The following PSME4 variants were observed in gnomAD, a reference collection of about 807,000 sequenced individuals.
PSME4 encodes the protein proteasome activator subunit 4, also known as proteasome activator complex subunit 4.
Under a neutral mutation model 253.9 loss-of-function variants are expected in PSME4, and 89 were observed. That is an observed-to-expected ratio of 0.35 (90% CI 0.30 to 0.42). The LOEUF (loss-of-function observed/expected upper bound fraction) is 0.42. Among genes scored for constraint, PSME4 ranks in the 10% least tolerant of loss-of-function variants. The pLI is 1.00. For missense variants in PSME4, 2,014 were observed against 2,195.2 expected (o/e 0.92, Z 1.65); for synonymous variants, 851 against 759.2 (o/e 1.12, Z -1.99).
At chr2:53,940,985 A>T (rs1200579372) in intron 3 of PSME4, among the ~76,000 whole-genome samples, 2 of 95,024 alleles carry the variant, frequency 2.1e-5, no homozygotes, top group Non-Finnish European at 4.7e-5. Context: ...ATATATATAT[A>T]TATATATATA....
At chr2:53,948,033 A>G (rs950361270) in intron 3 of PSME4, among the ~76,000 whole-genome samples, 5 of 152,194 alleles carry the variant, frequency 3.3e-5, no homozygotes, top group Non-Finnish European at 5.9e-5. Flanking sequence ...AAAGAATGAT[A>G]AGCCAAACGT....
In PSME4 at chr2:53,936,908, T is replaced by C. The variant is rs960520133; in HGVS notation, c.696-81A>G. 3.2e-6 allele frequency: 3 copies of C among 926,124 alleles called. No homozygotes were observed. The Admixed American group carries it at 7.7e-5, about 24-fold the overall frequency. 57.4% of individuals were successfully genotyped at this position (926,124 alleles called of 1,614,324 possible). ...CAGCTATGCTTTGTCTTTTTTATAATCTATTATTCTTACTGATAACTACGT... is the reference window on the plus strand; with the variant it reads ...CAGCTATGCTTTGTCTTTTTTATAACCTATTATTCTTACTGATAACTACGT... On this transcript the variant is annotated intron_variant, in intron 5 of 46. Transcript: ENST00000404125.
chr2:53,884,066 T>A (rs910713462), intron 41 of PSME4, among the ~76,000 whole-genome samples: 1 of 152,196 alleles, frequency 6.6e-6, no homozygotes, highest in Non-Finnish European at 1.5e-5. Flanking sequence ...ACACATCTGA[T>A]TTATGTGCAA....
chr2:53,913,452 A>T (rs1667920213), intron 20 of PSME4, among the ~76,000 whole-genome samples: 1 of 152,244 alleles, frequency 6.6e-6, no homozygotes, highest in African/African-American at 2.4e-5. Flanking sequence ...GCGAATTGTC[A>T]TGAAACAGCT....
intron 41 of PSME4, among the ~76,000 whole-genome samples, chr2:53,880,580 A>T (rs1679336998): frequency 6.6e-6 from 1 of 152,220 alleles, no homozygotes; most frequent in African/African-American, 2.4e-5. Context: ...GGTACAATTT[A>T]GTCATAAAAA....
intron 35 of PSME4, among the ~76,000 whole-genome samples, 164 bp from the exon 36 acceptor site, chr2:53,893,124 G>C (rs1323474520): frequency 1.3e-5 from 2 of 152,100 alleles, no homozygotes; most frequent in Non-Finnish European, 2.9e-5. Flanking sequence ...TAAGAATACT[G>C]TCATTTTAAA....
At chr2:53,966,270 C>T (rs1037303262) in intron 1 of PSME4, among the ~76,000 whole-genome samples, 2 of 152,020 alleles carry the variant, frequency 1.3e-5, no homozygotes, top group African/African-American at 2.4e-5. Flanking sequence ...GATGACAGAG[C>T]GAGACTCTGT....
At chr2:53,921,533 C>T (rs1668315109) in intron 17 of PSME4, among the ~76,000 whole-genome samples, 1 of 148,280 alleles carries the variant, frequency 6.7e-6, no homozygotes, top group African/African-American at 2.5e-5. Context: ...GTGTGAGCCA[C>T]CACGCCTGGC....
rs1189612870 is a variant in PSME4 at position 53,890,226 on chromosome 2, T to C, written c.4192-18A>G. ...TTCTCCACCTACTCAAAACAAAATATATGGGTAAGAGTTAATGACACTCAG... is the reference window on the plus strand; with the variant it reads ...TTCTCCACCTACTCAAAACAAAATACATGGGTAAGAGTTAATGACACTCAG... On this transcript the variant is annotated intron_variant, in intron 36 of 46. Coordinates refer to ENST00000404125, the MANE Select transcript of PSME4 (RefSeq NM_014614.3). The C allele has an allele frequency of 1.9e-6, 3 of 1,552,342 alleles. No homozygotes were observed. The highest frequency in any genetic ancestry group is 1.7e-5 in the Admixed American group (1 of 57,212).
intron 43 of PSME4, among the ~76,000 whole-genome samples, chr2:53,872,455 G>A (rs757436765): frequency 3.3e-5 from 5 of 152,056 alleles, no homozygotes; most frequent in African/African-American, 7.2e-5. Flanking sequence ...TTATATAACA[G>A]CTATGTTTAA....
In PSME4 at chr2:53,914,774, G is replaced by A. The variant is rs181614114; in HGVS notation, c.2516+4377C>T. Among the ~76,000 whole-genome samples the A allele has an allele frequency of 7.0e-3, 1,071 of 152,140 alleles. 4 individuals carry two copies. Among genetic ancestry groups the A allele is most frequent in the Middle Eastern group, 0.044 (13 of 294 alleles). ...CACACGCCTGTAATCCCAGCTACTCGGGAGGCTGAGACTGGAGAATCACTT... is the reference window on the plus strand; with the variant it reads ...CACACGCCTGTAATCCCAGCTACTCAGGAGGCTGAGACTGGAGAATCACTT... On this transcript the variant is annotated intron_variant, in intron 20 of 46. Coordinates refer to ENST00000404125, the MANE Select transcript of PSME4 (RefSeq NM_014614.3).
At chr2:53,906,753 C>A in intron 25 of PSME4, 53 bp downstream of exon 25, 2 of 1,600,296 alleles carry the variant, frequency 1.2e-6, no homozygotes, top group Admixed American at 3.6e-5. Flanking sequence ...ACTAAATACT[C>A]ATCTGGAAAA....
At chr2:53,902,059 C>A (rs1680426509) in intron 27 of PSME4, among the ~76,000 whole-genome samples, 1 of 152,030 alleles carries the variant, frequency 6.6e-6, no homozygotes, top group Non-Finnish European at 1.5e-5. Context: ...ACAGCAGGAC[C>A]CTGTCTCCAA....
In PSME4 at chr2:53,874,369, A is replaced by T; in HGVS notation, c.5070T>A (p.Val1690=). 6.2e-7 allele frequency: 1 copy of T among 1,613,696 alleles called. No individual in the cohort carries two copies. Among genetic ancestry groups the T allele is most frequent in the Non-Finnish European group, 8.5e-7 (1 of 1,179,916 alleles). Residue 1690 remains valine (V), a synonymous_variant, in exon 43 of 47, where the codon GTT becomes GTA. Transcript: ENST00000404125. The part of the protein sequence containing the change: ...EDAVKDIRWL[V]ISLLEDEQLE... ...GTTGTTCGTCCTCCAAAAGACTTAT[A>T]ACCAGCCACCTGATATCTTTAACTG...
rs374152201 is a variant in PSME4, at chr2:53,890,149, G to C, written c.4251C>G (p.Thr1417=). ...PLLRTALSNI[T]VETYNDWGAC... ...CTCCCCAGTCATTATAAGTTTCTAC[G>C]GTAATATTGGACAGTGCTGTTCTAA... Residue 1417 remains threonine (T), a synonymous_variant, in exon 37 of 47, where the codon ACC becomes ACG. Transcript: ENST00000404125. The C allele has an allele frequency of 6.2e-7, 1 of 1,613,742 alleles. No individual in the cohort carries two copies. Among genetic ancestry groups the C allele is most frequent in the Non-Finnish European group, 8.5e-7 (1 of 1,179,894 alleles).
intron 20 of PSME4, among the ~76,000 whole-genome samples, chr2:53,918,791 C>T (rs558924633): frequency 1.3e-5 from 2 of 152,082 alleles, no homozygotes; most frequent in South Asian, 4.1e-4. Flanking sequence ...AAGTTTTTTG[C>T]TACAAAATTC....
At chr2:53,967,052 C>T (rs942206086) in intron 1 of PSME4, among the ~76,000 whole-genome samples, 58 of 152,256 alleles carry the variant, frequency 3.8e-4, no homozygotes, top group African/African-American at 1.4e-3. Context: ...AAGTTATCTA[C>T]CAATATTTCA....
At position 53,899,953 on chromosome 2, in the gene PSME4, T is replaced by G; in HGVS notation, c.3350A>C (p.Gln1117Pro). The change falls in exon 29 of 47, where the codon CAG becomes CCG. Residue 1117 changes from glutamine to proline, a missense_variant. Around this residue, in one of 4 missense-constraint regions of PSME4, gnomAD observed 989 missense variants for 1,021.1 expected, o/e 0.97. Transcript: ENST00000404125. Reference sequence around the variant, plus strand: ...AATTTTTTCTGGGCTAAGCAATATCTGGTTGATAGAGGGGTTTTTTGACTG... The same window carrying G: ...AATTTTTTCTGGGCTAAGCAATATCGGGTTGATAGAGGGGTTTTTTGACTG... ...LQQSKNPSIN[Q>P]ILLSPEKIKE... The G allele has an allele frequency of 1.2e-6, 2 of 1,613,460 alleles. No individual in the cohort carries two copies. The highest frequency in any genetic ancestry group is 1.7e-6 in the Non-Finnish European group (2 of 1,179,414).
At chr2:53,967,635 G>A (rs1003711740) in intron 1 of PSME4, among the ~76,000 whole-genome samples, 5 of 99,438 alleles carry the variant, frequency 5.0e-5, no homozygotes, top group African/African-American at 2.0e-4. Context: ...CTGGGCAACA[G>A]AGTGAGATTG....
Sources: gnomAD v4.1 joint callset for allele counts (sites outside exome capture counted in the v4.1 genomes callset) on GRCh38, gnomAD v4.1.1 for gene constraint, gnomAD v4.1.1 regional missense constraint, MANE v1.5 for transcripts, NCBI Gene and HGNC (gene_info 2026-07-23, HGNC 2026-07-21) for gene names.